The following HMCN1 variants were observed in gnomAD, a reference collection of about 807,000 sequenced individuals.
HMCN1 encodes hemicentin-1.
In HMCN1, 321 loss-of-function variants were observed where a neutral mutation model predicts 625.9. The ratio of observed to expected loss-of-function variants is 0.51; its 90% CI spans 0.47 to 0.56. HMCN1 has a LOEUF of 0.56. HMCN1 is among the 20% of genes least tolerant of loss of function. The pLI, the probability that HMCN1 is intolerant of heterozygous loss-of-function variation, is 0.00. For synonymous variants in HMCN1, 2,425 were observed against 2,417.6 expected, an observed-to-expected ratio of 1.00 and a Z score of -0.09; for missense variants, 6,588 against 6,887.3, an observed-to-expected ratio of 0.96 and a Z score of 1.54.
At chr1:185,868,593 A>G (rs888721515) in intron 4 of HMCN1, among the ~76,000 whole-genome samples, 15 of 152,180 alleles carry the variant, frequency 9.9e-5, no homozygotes, top group Non-Finnish European at 1.5e-4. Context: ...CGTCATGATT[A>G]TAAGTTTTCT....
intron 38 of HMCN1, 130 bp downstream of exon 38, chr1:186,039,135 T>C (rs1185128464): frequency 4.1e-6 from 3 of 736,976 alleles, no homozygotes; most frequent in Non-Finnish European, 7.4e-6. Context: ...GGGCACAGTG[T>C]TCTAAAACTT....
intron 46 of HMCN1, among the ~76,000 whole-genome samples, chr1:186,057,787 A>G (rs1198815589): frequency 2.0e-5 from 3 of 152,020 alleles, no homozygotes; most frequent in Non-Finnish European, 4.4e-5. Flanking sequence ...TAATATTTCA[A>G]TGTATTCATG....
Position 186,153,854 on chromosome 1 carries a change from C to T in HMCN1, c.15123C>T (p.His5041=), listed in dbSNP as rs777074694. Reference sequence around the variant, plus strand: ...TCAGCATCCCATACACATGGAACCACACCGTTTTCTATGATCAGGCACAGG... The same window carrying T: ...TCAGCATCCCATACACATGGAACCATACCGTTTTCTATGATCAGGCACAGG... The part of the protein sequence containing the change: ...DGISIPYTWN[H]TVFYDQAQGR... The change falls in exon 97 of 107, where the codon CAC becomes CAT. Residue 5041 remains histidine (H), a synonymous_variant. Transcript: ENST00000271588. 17 of 1,614,046 alleles carry T rather than the reference C, an allele frequency of 1.1e-5. No individual in the cohort carries two copies. Among genetic ancestry groups the T allele is most frequent in the Non-Finnish European group, 1.7e-6 (2 of 1,180,018 alleles).
At chr1:186,105,660 A>G (rs1558227365) in intron 69 of HMCN1, among the ~76,000 whole-genome samples, 1 of 152,222 alleles carries the variant, frequency 6.6e-6, no homozygotes, top group Non-Finnish European at 1.5e-5. Context: ...ATGCTTAACT[A>G]TAATTTTTCT....
Position 185,981,073 on chromosome 1 carries a change from G to T in HMCN1, c.2662G>T (p.Val888Phe). 1.3e-6 allele frequency: 2 copies of T among 1,573,832 alleles called. No homozygotes were observed. The highest frequency in any genetic ancestry group is 1.7e-6 in the Non-Finnish European group (2 of 1,143,646). Residue 888 changes from valine to phenylalanine, a missense_variant and splice_region_variant, in exon 17 of 107, where the codon GTT (valine) becomes TTT (phenylalanine). Coordinates refer to ENST00000271588, the MANE Select transcript of HMCN1 (RefSeq NM_031935.3). ...GACAACAGTAACAGTGACCGGACTT[G>T]GTAAGATCAATTGAATGTCTACATA... ...SETTVTVTGL[V>F]APLIGISPSV...
At chr1:185,891,541 A>G (rs1404592835) in intron 4 of HMCN1, among the ~76,000 whole-genome samples, 2 of 147,692 alleles carry the variant, frequency 1.4e-5, no homozygotes, top group Non-Finnish European at 2.9e-5. Context: ...GCTTGTCTGT[A>G]AAGTATTTAA....
At chr1:185,890,676 T>G (rs1283810496) in intron 4 of HMCN1, among the ~76,000 whole-genome samples, 2 of 74,994 alleles carry the variant, frequency 2.7e-5, no homozygotes, top group East Asian at 3.1e-4. Context: ...GTCTGAGAGA[T>G]AGTTTGTTAT....
chr1:185,896,330 A>G (rs938150796), intron 4 of HMCN1, among the ~76,000 whole-genome samples: 7 of 152,170 alleles, frequency 4.6e-5, no homozygotes, highest in Non-Finnish European at 7.3e-5. Context: ...GTGAATACAT[A>G]GTATTAATAA....
At chr1:185,776,558 A>G (rs1207893189) in intron 1 of HMCN1, among the ~76,000 whole-genome samples, 2 of 149,510 alleles carry the variant, frequency 1.3e-5, no homozygotes, top group African/African-American at 5.1e-5. Flanking sequence ...CATTCTTGTG[A>G]CTTTCTTGTA....
chr1:186,148,908 A>G (rs773351586), intron 93 of HMCN1, among the ~76,000 whole-genome samples: 1 of 151,638 alleles, frequency 6.6e-6, no homozygotes, highest in African/African-American at 2.4e-5. Context: ...TTCACATGTC[A>G]GTGGGCAGTA....
At chr1:185,857,465 TTGTGTGTG>T (rs34112345) in intron 2 of HMCN1, among the ~76,000 whole-genome samples, 1 of 148,772 alleles carries the variant, frequency 6.7e-6, no homozygotes, top group East Asian at 2.0e-4. Flanking sequence ...TACCTTTCAT[TTGTGTGTG>T]TGTGTGTGTG....
chr1:186,049,072 A>G (rs11805190), intron 42 of HMCN1, among the ~76,000 whole-genome samples: 2,340 of 152,150 alleles, frequency 0.015, 61 homozygotes, highest in African/African-American at 0.054. Context: ...CATCTGCCTG[A>G]GTAGTAATGT....
rs560798578 is a variant in HMCN1 at position 186,070,903 on chromosome 1, T to G, written c.8139+146T>G. 1.1e-4 allele frequency: 90 copies of G among 833,304 alleles called. 1 individual carries two copies. The highest frequency in any genetic ancestry group is 9.0e-4 in the South Asian group (55 of 61,196). 51.6% of individuals were successfully genotyped at this position (833,304 alleles called of 1,614,324 possible). On this transcript the variant is annotated intron_variant, in intron 52 of 106. Transcript: ENST00000271588. Reference sequence around the variant, plus strand: ...ATGCCATGCTCCTAGAATCTAAAACTTAAAAAAAAAACCCAACCAACCTGA... The same window carrying G: ...ATGCCATGCTCCTAGAATCTAAAACGTAAAAAAAAAACCCAACCAACCTGA...
Position 186,019,597 on chromosome 1 carries a change from C to T in HMCN1, c.5527C>T (p.Pro1843Ser). The T allele has an allele frequency of 6.2e-7, 1 of 1,610,010 alleles. No homozygotes were observed. The highest frequency in any genetic ancestry group is 1.1e-5 in the South Asian group (1 of 91,012). Reference protein sequence around the residue: ...LSERVVVKYKPVALQCIANGI... With the variant: ...LSERVVVKYKSVALQCIANGI... ...TGAGAGAGTTGTGGTAAAATACAAG[C>T]CTGTCGCCTTGCAGTGCATAGCCAA... The change falls in exon 35 of 107, where the codon CCT becomes TCT. Residue 1843 changes from proline to serine, a missense_variant. Physicochemically the swap from Pro to Ser is moderately conservative, Grantham distance 74 (BLOSUM62 -1). Around this residue, in one of 3 missense-constraint regions of HMCN1, gnomAD observed 4,628 missense variants for 4,853.1 expected, o/e 0.95. Transcript: ENST00000271588.
chr1:186,061,776 G>A, intron 46 of HMCN1, 75 bp from the exon 47 acceptor site: 1 of 914,620 alleles, frequency 1.1e-6, no homozygotes, highest in Non-Finnish European at 1.7e-6. Context: ...TACCGAAATT[G>A]AGCATCACTT....
At chr1:186,092,541 T>C (rs1402646852) in intron 64 of HMCN1, among the ~76,000 whole-genome samples, 2 of 152,036 alleles carry the variant, frequency 1.3e-5, no homozygotes, top group East Asian at 3.9e-4. Flanking sequence ...TAATGGTGTG[T>C]GAGGACAACC....
intron 13 of HMCN1, among the ~76,000 whole-genome samples, chr1:185,965,566 ATTATT>A (rs1489262564): frequency 6.6e-6 from 1 of 151,770 alleles, no homozygotes; most frequent in Non-Finnish European, 1.5e-5. Flanking sequence ...GTTTATGATA[ATTATT>A]TTTTGTTTTA....
chr1:185,919,833 A>G (rs1349580568), intron 6 of HMCN1, among the ~76,000 whole-genome samples: 1 of 152,206 alleles, frequency 6.6e-6, no homozygotes, highest in Non-Finnish European at 1.5e-5. Flanking sequence ...ACTCTCTCAC[A>G]GGGACTTTTG....
intron 50 of HMCN1, among the ~76,000 whole-genome samples, chr1:186,069,076 G>T (rs1206101527): frequency 6.6e-6 from 1 of 152,112 alleles, no homozygotes; most frequent in Non-Finnish European, 1.5e-5. Flanking sequence ...GAATGGCCTA[G>T]CCCTGCGCAA....
Sources: allele counts gnomAD v4.1 joint callset (sites outside exome capture counted in the v4.1 genomes callset), GRCh38; gene constraint gnomAD v4.1.1; regional missense constraint gnomAD v4.1.1; transcripts MANE v1.5; gene names NCBI Gene and HGNC (gene_info 2026-07-23, HGNC 2026-07-21).